NLGN1: variants seen among roughly 807,000 people sequenced by gnomAD.
The protein encoded by NLGN1 is neuroligin 1.
Under a neutral mutation model 65.5 loss-of-function variants are expected in NLGN1, and 12 were observed. The observed-to-expected ratio is 0.18, with a 90% confidence interval of 0.12 to 0.30. The LOEUF (loss-of-function observed/expected upper bound fraction) is 0.30, where lower values mean the gene tolerates loss of function less well. Ranked by LOEUF, NLGN1 falls within the 10% of genes least tolerant of loss-of-function variation. The pLI is 1.00. For synonymous variants in NLGN1, 350 were observed against 359.5 expected (o/e 0.97, Z 0.30); for missense variants, 750 against 1,007.1 (o/e 0.74, Z 3.46).
At chr3:173,771,581 A>G (rs1228550625) in intron 3 of NLGN1, among the ~76,000 whole-genome samples, 1 of 35,174 alleles carries the variant, frequency 2.8e-5, no homozygotes, top group Non-Finnish European at 8.8e-5. Context: ...GAATTGTATG[A>G]GGTTTGTATG....
At chr3:173,652,124 G>C (rs1401006309) in intron 3 of NLGN1, among the ~76,000 whole-genome samples, 2 of 152,006 alleles carry the variant, frequency 1.3e-5, no homozygotes, top group Admixed American at 6.6e-5. Flanking sequence ...GGGTTATTTG[G>C]TTGTTATTGT....
chr3:173,929,629 T>G, intron 4 of NLGN1, among the ~76,000 whole-genome samples: 1 of 151,084 alleles, frequency 6.6e-6, no homozygotes, highest in Admixed American at 6.6e-5. Flanking sequence ...CCAAATATTT[T>G]CTGAGAGAAA....
chr3:173,677,224 C>A (rs956616306), intron 3 of NLGN1, among the ~76,000 whole-genome samples: 5 of 151,876 alleles, frequency 3.3e-5, no homozygotes, highest in African/African-American at 7.3e-5. Flanking sequence ...AGATTTACAC[C>A]CAGGAATACA....
rs144270299 is a variant in NLGN1, at chr3:174,149,936, A to G, written c.647-125379A>G. The stretch of plus-strand genomic sequence containing the variant: ...CTTAAAAAGTCATATTTTCCTGTAA[A>G]GAAACTCAAGATGTGTATATTCAAT... On this transcript the variant is annotated intron_variant, in intron 4 of 6. Coordinates refer to ENST00000457714, the Ensembl canonical transcript of NLGN1. 2.3e-3 allele frequency among the ~76,000 whole-genome samples: 350 copies of G among 152,280 alleles called. 1 individual carries two copies. The highest frequency in any genetic ancestry group is 4.1e-3 in the Non-Finnish European group (279 of 67,970).
At chr3:174,012,964 G>A (rs988617402) in intron 4 of NLGN1, among the ~76,000 whole-genome samples, 5 of 152,202 alleles carry the variant, frequency 3.3e-5, no homozygotes, top group African/African-American at 1.2e-4. Flanking sequence ...ATCAGACAGT[G>A]AGGAGGGAAA....
chr3:174,068,305 TCCC>T (rs1739094034), intron 4 of NLGN1, among the ~76,000 whole-genome samples: 1 of 152,112 alleles, frequency 6.6e-6, no homozygotes, highest in Admixed American at 6.6e-5. Context: ...TCTGTCCCAC[TCCC>T]TTCCAGCCTG....
At chr3:173,580,515 A>G (rs547399634) in intron 2 of NLGN1, among the ~76,000 whole-genome samples, 122 of 152,114 alleles carry the variant, frequency 8.0e-4, no homozygotes, top group Non-Finnish European at 1.4e-3. Flanking sequence ...TCATATAGCA[A>G]CTAGTTTTAT....
At chr3:173,428,084 G>A (rs1264237669) in intron 1 of NLGN1, among the ~76,000 whole-genome samples, 1 of 151,698 alleles carries the variant, frequency 6.6e-6, no homozygotes, top group Non-Finnish European at 1.5e-5. Flanking sequence ...TCTCTTGATA[G>A]TTTTGGACTT....
At chr3:173,583,321 TA>T (rs1331872413) in intron 2 of NLGN1, among the ~76,000 whole-genome samples, 1 of 152,244 alleles carries the variant, frequency 6.6e-6, no homozygotes, top group African/African-American at 2.4e-5. Flanking sequence ...TAATTTACCA[TA>T]TTGATTCTCC....
intron 2 of NLGN1, among the ~76,000 whole-genome samples, chr3:173,501,140 G>T (rs1731053114): frequency 6.6e-6 from 1 of 151,988 alleles, no homozygotes; most frequent in Non-Finnish European, 1.5e-5. Flanking sequence ...CCAGATACAT[G>T]TGCAGGATGT....
At chr3:173,843,350 G>T (rs533584050) in intron 4 of NLGN1, among the ~76,000 whole-genome samples, 93 of 152,292 alleles carry the variant, frequency 6.1e-4, no homozygotes, top group Middle Eastern at 3.4e-3. Flanking sequence ...TCAGCTCCTG[G>T]TTACTTATGC....
At chr3:173,447,735 T>C (rs537329961) in intron 2 of NLGN1, among the ~76,000 whole-genome samples, 1 of 152,224 alleles carries the variant, frequency 6.6e-6, no homozygotes, top group Non-Finnish European at 1.5e-5. Flanking sequence ...TTTTATTTTA[T>C]TGAGCAGTGG....
At chr3:174,293,461 TG>T in the NLGN1 span, among the ~76,000 whole-genome samples, 4 of 151,348 alleles carry the variant, frequency 2.6e-5, no homozygotes, top group Non-Finnish European at 5.9e-5. Flanking sequence ...GTGTAATGGA[TG>T]AAAAAAACAC....
intron 2 of NLGN1, among the ~76,000 whole-genome samples, chr3:173,492,619 C>T (rs1194410906): frequency 6.6e-6 from 1 of 151,652 alleles, no homozygotes; most frequent in Non-Finnish European, 1.5e-5. Context: ...GATTAGAATA[C>T]AATAATTACT....
chr3:173,694,915 A>G (rs1389636285), intron 3 of NLGN1, among the ~76,000 whole-genome samples: 1 of 152,216 alleles, frequency 6.6e-6, no homozygotes, highest in East Asian at 1.9e-4. Flanking sequence ...CCTCCACTGA[A>G]GTGTGGACAC....
chr3:174,243,643 G>A (rs1039711581), intron 4 of NLGN1, among the ~76,000 whole-genome samples: 1 of 151,956 alleles, frequency 6.6e-6, no homozygotes, highest in African/African-American at 2.4e-5. Context: ...TTATATTGCA[G>A]TTTCTCGTCA....
intron 2 of NLGN1, among the ~76,000 whole-genome samples, chr3:173,520,558 T>C (rs1234171841): frequency 1.3e-5 from 2 of 152,124 alleles, no homozygotes; most frequent in South Asian, 2.1e-4. Context: ...GTCAGAAATA[T>C]ATTCAACAAA....
intron 4 of NLGN1, among the ~76,000 whole-genome samples, chr3:174,030,221 G>A (rs1729704029): frequency 6.6e-6 from 1 of 151,116 alleles, no homozygotes; most frequent in South Asian, 2.1e-4. Flanking sequence ...CACCTCCGAG[G>A]TTCAAGCGAT....
intron 4 of NLGN1, among the ~76,000 whole-genome samples, chr3:173,813,385 G>A (rs888458783): frequency 3.3e-5 from 5 of 152,124 alleles, no homozygotes; most frequent in East Asian, 1.9e-4. Flanking sequence ...AATTTTATGC[G>A]ATTGTAATAT....
Sources: gnomAD v4.1 joint callset for allele counts (sites outside exome capture counted in the v4.1 genomes callset) on GRCh38, gnomAD v4.1.1 for gene constraint, MANE v1.5 for transcripts, NCBI Gene and HGNC (gene_info 2026-07-23, HGNC 2026-07-21) for gene names.